The following SGCD variants were observed in gnomAD, a reference collection of about 807,000 sequenced individuals.
SGCD encodes sarcoglycan delta, also known as delta-sarcoglycan.
Under a neutral mutation model 36.6 loss-of-function variants are expected in SGCD, and 18 were observed. The observed-to-expected ratio is 0.49, with a 90% confidence interval of 0.34 to 0.73. The LOEUF (loss-of-function observed/expected upper bound fraction) is 0.73. Among genes scored for constraint, SGCD ranks in the 30% least tolerant of loss-of-function variants. The probability of loss-of-function intolerance (pLI) is 0.01; values close to 1 mark genes in which losing one functional copy is unlikely to be tolerated. For missense variants in SGCD, 387 were observed against 346.7 expected (o/e 1.12, Z -0.92); for synonymous variants, 133 against 130.6 (o/e 1.02, Z -0.12).
chr5:156,425,396 T>A (rs1773629478), intron 3 of SGCD, among the ~76,000 whole-genome samples: 1 of 152,042 alleles, frequency 6.6e-6, no homozygotes, highest in African/African-American at 2.4e-5. Context: ...CACACAAAAT[T>A]TAATAATTTC....
chr5:156,362,158 C>G (rs992364795), intron 3 of SGCD, among the ~76,000 whole-genome samples: 12 of 152,192 alleles, frequency 7.9e-5, no homozygotes, highest in African/African-American at 2.9e-4. Context: ...AATGAAGAAG[C>G]AACACACATG....
Position 156,759,529 on chromosome 5 carries a change from AGTGTGTTCGC to A in SGCD, c.*146_*155del, listed in dbSNP as rs1305847975. On this transcript the variant is annotated 3_prime_UTR_variant, in exon 9 of 9. Transcript: ENST00000337851. ...ATGTGTACGTGTGTGTGCGTGCTTG[AGTGTGTTCGC>A]GTGTGTGGGTGGATATAAATATATA... 1.4e-5 allele frequency: 6 copies of A among 433,514 alleles called. No homozygotes were observed. Among genetic ancestry groups the A allele is most frequent in the Non-Finnish European group, 2.5e-5 (6 of 244,448 alleles). The allele number at this position is 433,514 out of a possible 1,614,324, so 26.9% of individuals were successfully genotyped here.
chr5:155,896,116 C>A (rs1362787861), intron 1 of SGCD, among the ~76,000 whole-genome samples: 1 of 152,070 alleles, frequency 6.6e-6, no homozygotes, highest in African/African-American at 2.4e-5. Flanking sequence ...TTTTAACATC[C>A]ATAACAGAGA....
chr5:156,487,813 A>AAG (rs1554107840), intron 3 of SGCD, among the ~76,000 whole-genome samples: 1 of 77,812 alleles, frequency 1.3e-5, no homozygotes, highest in Admixed American at 1.8e-4. Flanking sequence ...AAAAAAAAAA[A>AAG]AAAGAAAGAA....
chr5:155,884,498 A>G (rs1388939693), intron 1 of SGCD, among the ~76,000 whole-genome samples: 1 of 152,224 alleles, frequency 6.6e-6, no homozygotes, highest in Non-Finnish European at 1.5e-5. Context: ...CTGAAAAACT[A>G]CATAGAGCTG....
the SGCD span, among the ~76,000 whole-genome samples, chr5:155,768,083 T>C: frequency 1.3e-5 from 2 of 152,090 alleles, no homozygotes; most frequent in Non-Finnish European, 2.9e-5. Flanking sequence ...TCAGTAGTAC[T>C]GTTAGATGAT....
intron 3 of SGCD, among the ~76,000 whole-genome samples, chr5:156,384,771 A>G (rs1036644060): frequency 3.9e-5 from 6 of 152,320 alleles, no homozygotes; most frequent in Admixed American, 1.3e-4. Flanking sequence ...ATGTTCTCTA[A>G]TGCAACACTA....
chr5:156,733,918 G>T (rs1262805762), intron 7 of SGCD, among the ~76,000 whole-genome samples: 1 of 152,002 alleles, frequency 6.6e-6, no homozygotes, highest in African/African-American at 2.4e-5. Flanking sequence ...GCATACAAAT[G>T]GATCTTGGTT....
At chr5:156,669,179 T>TCCATTCG (rs1344078950) in intron 7 of SGCD, among the ~76,000 whole-genome samples, 2 of 152,116 alleles carry the variant, frequency 1.3e-5, no homozygotes, top group Non-Finnish European at 2.9e-5. Flanking sequence ...TACCCAGACC[T>TCCATTCG]CATGGTCTAC....
chr5:156,202,252 T>G (rs931913756), intron 3 of SGCD, among the ~76,000 whole-genome samples: 2 of 152,180 alleles, frequency 1.3e-5, no homozygotes, highest in African/African-American at 4.8e-5. Context: ...CTTTGACTCA[T>G]CAGAATTTAG....
At chr5:156,345,070 A>G (rs1378175847) in intron 3 of SGCD, among the ~76,000 whole-genome samples, 1 of 152,218 alleles carries the variant, frequency 6.6e-6, no homozygotes, top group Admixed American at 6.5e-5. Context: ...GAGAGTTGAA[A>G]CATTTGAGTA....
intron 1 of SGCD, among the ~76,000 whole-genome samples, chr5:156,019,990 A>T (rs1759064817): frequency 1.3e-5 from 2 of 152,184 alleles, no homozygotes; most frequent in Non-Finnish European, 2.9e-5. Flanking sequence ...CACCCTGGGC[A>T]TGTCCACACG....
At chr5:156,446,632 A>C (rs1333509312) in intron 3 of SGCD, among the ~76,000 whole-genome samples, 1 of 152,178 alleles carries the variant, frequency 6.6e-6, no homozygotes, top group Non-Finnish European at 1.5e-5. Flanking sequence ...CTTTAGCATA[A>C]AGGGACAGAT....
At chr5:156,440,806 GT>G (rs1348094590) in intron 3 of SGCD, among the ~76,000 whole-genome samples, 1 of 151,874 alleles carries the variant, frequency 6.6e-6, no homozygotes, top group East Asian at 1.9e-4. Flanking sequence ...TTTAAAATCA[GT>G]TTGCCTTTTT....
chr5:156,445,230 GTAT>G (rs1179273434), intron 3 of SGCD, among the ~76,000 whole-genome samples: 16 of 152,166 alleles, frequency 1.1e-4, no homozygotes, highest in African/African-American at 3.6e-4. Context: ...ATGAGTGTGT[GTAT>G]ACATTGTACA....
chr5:155,821,924 A>G, the SGCD span, among the ~76,000 whole-genome samples: 4 of 152,352 alleles, frequency 2.6e-5, no homozygotes, highest in South Asian at 4.1e-4. Flanking sequence ...TGAAGACTAT[A>G]TGATGGTTAC....
At chr5:155,847,954 T>C in the SGCD span, among the ~76,000 whole-genome samples, 1 of 152,170 alleles carries the variant, frequency 6.6e-6, no homozygotes, top group East Asian at 1.9e-4. Context: ...AACCAAAACA[T>C]CCACGTTTGT....
intron 1 of SGCD, among the ~76,000 whole-genome samples, chr5:155,935,773 T>C (rs79900480): frequency 0.034 from 5,109 of 152,314 alleles, 106 homozygotes; most frequent in Non-Finnish European, 0.049. Context: ...GCATGAGTTT[T>C]GCTCGGGCCC....
chr5:156,716,852 C>A (rs577688055), intron 7 of SGCD, among the ~76,000 whole-genome samples: 7 of 152,274 alleles, frequency 4.6e-5, no homozygotes, highest in African/African-American at 1.7e-4. Flanking sequence ...AGGGGTGGAA[C>A]AGAGAAGCTC....
Sources: gnomAD v4.1 joint callset for allele counts (sites outside exome capture counted in the v4.1 genomes callset) on GRCh38, gnomAD v4.1.1 for gene constraint, MANE v1.5 for transcripts, NCBI Gene and HGNC (gene_info 2026-07-23, HGNC 2026-07-21) for gene names.